Variants in CDK13 observed in about 807,000 individuals in gnomAD.
The protein encoded by CDK13 is cyclin dependent kinase 13.
Under a neutral mutation model 137.6 loss-of-function variants are expected in CDK13, and 40 were observed. The observed-to-expected ratio is 0.29, with a 90% CI of 0.23 to 0.38. CDK13 has a LOEUF of 0.38. Ranked by LOEUF, CDK13 falls within the 10% of genes least tolerant of loss-of-function variation. The pLI is 1.00. For missense variants in CDK13, 1,704 were observed against 1,951.8 expected, an observed-to-expected ratio of 0.87 and a Z score of 2.39; for synonymous variants, 869 against 760.1, an observed-to-expected ratio of 1.14 and a Z score of -2.36.
rs549657995 is a variant in CDK13, at chr7:39,976,175, C to T, written c.1212-11424C>T. On this transcript the variant is annotated intron_variant, in intron 1 of 13. Coordinates refer to ENST00000181839, the MANE Select transcript of CDK13 (RefSeq NM_003718.5). Reference sequence around the variant, plus strand: ...TGGGTGTAGTGGTGGGTGCCGTAATCCCAGCTACTTGGGAGGCTAAGGCAG... The same window carrying T: ...TGGGTGTAGTGGTGGGTGCCGTAATTCCAGCTACTTGGGAGGCTAAGGCAG... Among the ~76,000 whole-genome samples the T allele has an allele frequency of 8.6e-5, 13 of 151,744 alleles. No individual in the cohort carries two copies. The South Asian group carries it at 2.7e-3, about 32-fold the overall frequency.
Position 40,018,280 on chromosome 7 carries a change from G to A in CDK13, c.2353+16249G>A, listed in dbSNP as rs187647620. Among the ~76,000 whole-genome samples, 121 of 152,068 alleles carry A rather than the reference G, an allele frequency of 8.0e-4. 2 individuals are homozygous for A. The East Asian group carries it at 0.021, about 27-fold the overall frequency. Reference sequence around the variant, plus strand: ...TTGTTAGAGAGTAATTAGGGATGTAGTATAGAACCTGGTGTGTGCTAAATA... The same window carrying A: ...TTGTTAGAGAGTAATTAGGGATGTAATATAGAACCTGGTGTGTGCTAAATA... On this transcript the variant is annotated intron_variant, in intron 5 of 13. Transcript: ENST00000181839.
chr7:40,031,684 C>T (rs1403921668), intron 5 of CDK13, among the ~76,000 whole-genome samples: 5 of 151,904 alleles, frequency 3.3e-5, no homozygotes, highest in Non-Finnish European at 7.4e-5. Context: ...CTCGCTCTGT[C>T]ATCCACGCTG....
At chr7:40,061,722 G>T (rs1211773941) in intron 7 of CDK13, 1 of 152,166 alleles carries the variant, frequency 6.6e-6, no homozygotes, top group Non-Finnish European at 1.5e-5. Context: ...CAGATCAGCC[G>T]AAGAACCTCC....
chr7:40,096,708 T>C lies in CDK13; in HGVS notation c.*1728T>C, dbSNP rs1787055637. 6.6e-6 allele frequency: 1 copy of C among 152,176 alleles called. No homozygotes were observed. The highest frequency in any genetic ancestry group is 2.4e-5 in the African/African-American group (1 of 41,460). 9.4% of individuals were successfully genotyped at this position (152,176 alleles called of 1,614,324 possible). ...TCAAAACAGTATGTGGGAAGTCCTG[T>C]AGTTTGATAAGAGTAAAATTATTTT... On this transcript the variant is annotated 3_prime_UTR_variant, in exon 14 of 14. Coordinates refer to ENST00000181839, the MANE Select transcript of CDK13 (RefSeq NM_003718.5).
At chr7:40,078,932 TAAG>T in intron 11 of CDK13, 81 bp downstream of exon 11, 1 of 472,496 alleles carries the variant, frequency 2.1e-6, no homozygotes, top group Non-Finnish European at 3.0e-6. Flanking sequence ...ACATATATAA[TAAG>T]ATATTTCATG....
intron 5 of CDK13, among the ~76,000 whole-genome samples, chr7:40,012,166 G>T (rs1003789958): frequency 5.9e-5 from 9 of 152,148 alleles, no homozygotes; most frequent in Admixed American, 1.3e-4. Context: ...AATAAGTGTT[G>T]TCCAGGATGT....
chr7:40,085,431 C>T (rs1169728078), intron 11 of CDK13, among the ~76,000 whole-genome samples: 2 of 151,956 alleles, frequency 1.3e-5, no homozygotes, highest in African/African-American at 4.8e-5. Flanking sequence ...AACAAAAGCC[C>T]TTTTTAATGG....
In CDK13 at chr7:39,998,442, C is replaced by CAAAAAA. The variant is rs1784609425; in HGVS notation, c.2042+778_2042+779insAAAAAA. Reference sequence around the variant, plus strand: ...GCAACACAGGGAGACCCCATCTCTACCAAAAAAAAAAAAAAAAAAAAAAAA... The same window carrying CAAAAAA: ...GCAACACAGGGAGACCCCATCTCTACAAAAAACAAAAAAAAAAAAAAAAAAAAAAAA... On this transcript the variant is annotated intron_variant, in intron 3 of 13. Transcript: ENST00000181839. 1.4e-3 allele frequency: 102 copies of CAAAAAA among 72,624 alleles called. 29 individuals are homozygous for CAAAAAA. The highest frequency in any genetic ancestry group is 7.2e-3 in the African/African-American group (97 of 13,416). The allele number at this position is 72,624 out of a possible 1,614,324, so 4.5% of individuals were successfully genotyped here. A position where few individuals can be genotyped will look rare whatever the true frequency, so the allele number is the denominator to read the frequency against.
At chr7:40,047,796 G>T (rs1785783050) in intron 6 of CDK13, 25 bp from the exon 7 acceptor site, 2 of 1,549,440 alleles carry the variant, frequency 1.3e-6, no homozygotes, top group South Asian at 1.1e-5. Context: ...AATACCTTTT[G>T]TTCATTTTGT....
At chr7:39,963,830 G>A (rs1783806719) in intron 1 of CDK13, among the ~76,000 whole-genome samples, 2 of 152,128 alleles carry the variant, frequency 1.3e-5, no homozygotes, top group South Asian at 2.1e-4. Context: ...TTAGCATGAA[G>A]CATTGTTGAA....
Position 40,063,013 on chromosome 7 carries a change from T to C in CDK13, c.2703-10T>C. On this transcript the variant is annotated splice_polypyrimidine_tract_variant and intron_variant, in intron 8 of 13. Transcript: ENST00000181839. ...GATCATTTGGTAATGACGGGTATTT[T>C]TTCCATTAGCTGTATCCTTGGCGAA... The C allele has an allele frequency of 6.2e-7, 1 of 1,613,320 alleles. No individual in the cohort carries two copies. Among genetic ancestry groups the C allele is most frequent in the Non-Finnish European group, 8.5e-7 (1 of 1,179,290 alleles).
chr7:39,959,590 G>A (rs547381437), intron 1 of CDK13, among the ~76,000 whole-genome samples: 10 of 151,972 alleles, frequency 6.6e-5, no homozygotes, highest in African/African-American at 2.2e-4. Context: ...TCAGCCTCCC[G>A]AGTAGCTGGG....
At chr7:39,982,853 T>G (rs1307079716) in intron 1 of CDK13, among the ~76,000 whole-genome samples, 2 of 152,234 alleles carry the variant, frequency 1.3e-5, no homozygotes, top group Non-Finnish European at 2.9e-5. Flanking sequence ...GCCCACTTTT[T>G]GATGGGGTTG....
At chr7:40,086,512 A>G (rs1263962194) in intron 11 of CDK13, among the ~76,000 whole-genome samples, 1 of 152,186 alleles carries the variant, frequency 6.6e-6, no homozygotes, top group Non-Finnish European at 1.5e-5. Context: ...AATTAGGGTA[A>G]GAAGAAAGCA....
intron 7 of CDK13, among the ~76,000 whole-genome samples, chr7:40,056,644 C>G (rs1189095134): frequency 6.6e-6 from 1 of 152,186 alleles, no homozygotes; most frequent in Non-Finnish European, 1.5e-5. Context: ...CCTTATACGT[C>G]TGGAAGCAAG....
At chr7:39,976,323 T>TCTCTCTCACACACACA in intron 1 of CDK13, among the ~76,000 whole-genome samples, 409 of 39,538 alleles carry the variant, frequency 0.01, 12 homozygotes, top group Non-Finnish European at 0.017. Flanking sequence ...TCTCTCTCTC[T>TCTCTCTCACACACACA]CACACACACA....
In CDK13 at chr7:39,962,385, A is replaced by G. The variant is rs556591582; in HGVS notation, c.1211+10533A>G. Among the ~76,000 whole-genome samples the G allele has an allele frequency of 4.6e-5, 7 of 152,358 alleles. No homozygotes were observed. The East Asian group carries it at 1.3e-3, about 29-fold the overall frequency. Reference sequence around the variant, plus strand: ...TTTGATTTGCATTTCTCTGATGACCAGTGATGATGAGCATCTTTTCATGTG... The same window carrying G: ...TTTGATTTGCATTTCTCTGATGACCGGTGATGATGAGCATCTTTTCATGTG... On this transcript the variant is annotated intron_variant, in intron 1 of 13. Transcript: ENST00000181839.
intron 1 of CDK13, among the ~76,000 whole-genome samples, chr7:39,962,649 C>A (rs893878353): frequency 6.6e-6 from 1 of 152,072 alleles, no homozygotes; most frequent in South Asian, 2.1e-4. Context: ...AGATCCCGTT[C>A]GTCAATTTTG....
chr7:40,087,543 G>GGT (rs1370792858), intron 11 of CDK13, among the ~76,000 whole-genome samples: 1 of 136,556 alleles, frequency 7.3e-6, no homozygotes, highest in African/African-American at 3.2e-5. Flanking sequence ...CAGCAATAGT[G>GGT]GTGTTTTTTT....
Sources: gnomAD v4.1 joint callset for allele counts (sites outside exome capture counted in the v4.1 genomes callset) on GRCh38, gnomAD v4.1.1 for gene constraint, MANE v1.5 for transcripts, NCBI Gene and HGNC (gene_info 2026-07-23, HGNC 2026-07-21) for gene names.